Variants in PHF24 observed in about 807,000 individuals in gnomAD.
PHF24 encodes the protein PHD finger protein 24.
In PHF24, 25 loss-of-function variants were observed where a neutral mutation model predicts 42.6. The observed-to-expected ratio is 0.59, with a 90% CI of 0.43 to 0.82. The LOEUF (loss-of-function observed/expected upper bound fraction) is 0.82. PHF24 is among the 40% of genes least tolerant of loss of function. The probability of loss-of-function intolerance (pLI) is 0.00; values close to 1 mark genes in which losing one functional copy is unlikely to be tolerated. For synonymous variants in PHF24, 185 were observed against 204.8 expected, an observed-to-expected ratio of 0.90 and a Z score of 0.83; for missense variants, 470 against 538.1, an observed-to-expected ratio of 0.87 and a Z score of 1.25.
chr9:34,916,920 G>A, the PHF24 span, among the ~76,000 whole-genome samples: 6 of 152,114 alleles, frequency 3.9e-5, no homozygotes, highest in Admixed American at 6.5e-5. Context: ...AAAAAGAAAC[G>A]TCCTTGTTTC....
chr9:34,904,798 G>GGTAC, the PHF24 span, among the ~76,000 whole-genome samples: 1 of 115,974 alleles, frequency 8.6e-6, no homozygotes, highest in African/African-American at 3.3e-5. Context: ...CAAAAGGATT[G>GGTAC]CTTGTTAGTG....
At chr9:34,932,982 CTCT>C in the PHF24 span, among the ~76,000 whole-genome samples, 1 of 94,412 alleles carries the variant, frequency 1.1e-5, no homozygotes, top group African/African-American at 3.7e-5. Context: ...AGAGCAGGAA[CTCT>C]TTTTTTTTTT....
At chr9:34,947,008 A>G in the PHF24 span, among the ~76,000 whole-genome samples, 1 of 152,180 alleles carries the variant, frequency 6.6e-6, no homozygotes, top group Non-Finnish European at 1.5e-5. Flanking sequence ...CTCTTCTTCT[A>G]CCAACAGCAA....
chr9:34,928,688 A>G, the PHF24 span, among the ~76,000 whole-genome samples: 3 of 152,120 alleles, frequency 2.0e-5, no homozygotes, highest in Admixed American at 1.3e-4. Context: ...TGTATAAGGG[A>G]AAGTTTACTG....
At chr9:34,725,847 A>C in the PHF24 span, 2 of 1,551,552 alleles carry the variant, frequency 1.3e-6, no homozygotes, top group African/African-American at 2.7e-5. Context: ...GGATCCTTCA[A>C]GGGGGGCTTG....
chr9:34,685,144 G>A, the PHF24 span, among the ~76,000 whole-genome samples: 944 of 152,150 alleles, frequency 6.2e-3, 8 homozygotes, highest in Non-Finnish European at 9.7e-3. Context: ...CAGACGCCTG[G>A]CCCCACTCCT....
the PHF24 span, among the ~76,000 whole-genome samples, chr9:34,920,982 T>C: frequency 1.3e-5 from 2 of 152,186 alleles, no homozygotes; most frequent in Admixed American, 6.5e-5. Flanking sequence ...TTGGGTGCCC[T>C]TTCTTTCTGT....
chr9:34,889,917 G>C, the PHF24 span, among the ~76,000 whole-genome samples: 3 of 152,182 alleles, frequency 2.0e-5, no homozygotes, highest in Non-Finnish European at 4.4e-5. Context: ...GTTTGGATGA[G>C]GTTATTCGGC....
At chr9:34,924,325 T>C in the PHF24 span, among the ~76,000 whole-genome samples, 6 of 111,238 alleles carry the variant, frequency 5.4e-5, no homozygotes, top group Non-Finnish European at 9.5e-5. Flanking sequence ...TTTTGTTTCT[T>C]TGTTGATCTT....
chr9:34,701,575 C>G, the PHF24 span, among the ~76,000 whole-genome samples: 2 of 152,240 alleles, frequency 1.3e-5, no homozygotes, highest in South Asian at 4.1e-4. The surrounding 1 kb of genome is among the most constrained non-coding windows in gnomAD (Gnocchi z 5.8). Flanking sequence ...CGTCCGAAGT[C>G]CCTGGGCCTG....
At chr9:34,697,161 G>A in the PHF24 span, among the ~76,000 whole-genome samples, 1 of 152,184 alleles carries the variant, frequency 6.6e-6, no homozygotes, top group Non-Finnish European at 1.5e-5. Flanking sequence ...TTTGACAGTG[G>A]CCTGTGATCA....
chr9:34,927,955 G>A, the PHF24 span, among the ~76,000 whole-genome samples: 1 of 152,124 alleles, frequency 6.6e-6, no homozygotes, highest in African/African-American at 2.4e-5. Context: ...GGGAGCTGGG[G>A]GGAGGTGGGG....
At chr9:34,951,569 G>C in the PHF24 span, among the ~76,000 whole-genome samples, 1 of 152,198 alleles carries the variant, frequency 6.6e-6, no homozygotes, top group Admixed American at 6.5e-5. Flanking sequence ...GCCTCTAGAA[G>C]CTGGAAAAGA....
chr9:34,920,738 A>G, the PHF24 span, among the ~76,000 whole-genome samples: 3 of 152,078 alleles, frequency 2.0e-5, no homozygotes, highest in Non-Finnish European at 2.9e-5. Context: ...GTTTGTTCCT[A>G]GATATTTTAT....
the PHF24 span, among the ~76,000 whole-genome samples, chr9:34,735,175 G>A: frequency 1.0e-4 from 13 of 124,332 alleles, no homozygotes; most frequent in Non-Finnish European, 1.6e-4. Flanking sequence ...TCACTTTGTC[G>A]CCAGGGCTGG....
At chr9:34,685,688 A>G in the PHF24 span, among the ~76,000 whole-genome samples, 4 of 152,192 alleles carry the variant, frequency 2.6e-5, no homozygotes, top group African/African-American at 7.2e-5. Context: ...CCTTATACAT[A>G]GAATGGTACT....
At chr9:34,890,135 C>G in the PHF24 span, among the ~76,000 whole-genome samples, 3 of 152,160 alleles carry the variant, frequency 2.0e-5, no homozygotes, top group Non-Finnish European at 2.9e-5. Context: ...AAAGTTTTAC[C>G]TAAGAAAGAT....
the PHF24 span, among the ~76,000 whole-genome samples, chr9:34,869,806 C>T: frequency 6.6e-6 from 1 of 152,096 alleles, no homozygotes; most frequent in Non-Finnish European, 1.5e-5. Context: ...CCAGATGACC[C>T]TAATCTACCT....
At chr9:34,795,736 C>T in the PHF24 span, among the ~76,000 whole-genome samples, 1 of 152,132 alleles carries the variant, frequency 6.6e-6, no homozygotes, top group Non-Finnish European at 1.5e-5. Context: ...GTGGCTCACA[C>T]CTGTAATCCC....
Sources: allele counts gnomAD v4.1 joint callset (sites outside exome capture counted in the v4.1 genomes callset), GRCh38; gene constraint gnomAD v4.1.1; non-coding constraint Gnocchi (gnomAD v3.1); transcripts MANE v1.5; gene names NCBI Gene and HGNC (gene_info 2026-07-23, HGNC 2026-07-21).